Variants in MCTP1 observed in about 807,000 individuals in gnomAD.
MCTP1 encodes the protein multiple C2 and transmembrane domain containing 1.
A neutral mutation model predicts 120.6 loss-of-function variants in MCTP1; 69 were observed. That is an observed-to-expected ratio of 0.57 (90% CI 0.47 to 0.70). The LOEUF is 0.70. MCTP1 is among the 30% of genes least tolerant of loss of function. The pLI is 0.00. For synonymous variants in MCTP1, 529 were observed against 493.1 expected (o/e 1.07, Z -0.96); for missense variants, 1,203 against 1,248.8 (o/e 0.96, Z 0.55).
intron 1 of MCTP1, among the ~76,000 whole-genome samples, chr5:95,198,457 A>G (rs186843529): frequency 1.2e-4 from 18 of 152,302 alleles, no homozygotes; most frequent in Admixed American, 1.1e-3. Context: ...ACTTTAATAT[A>G]AAGTAGGCTT....
intron 2 of MCTP1, among the ~76,000 whole-genome samples, chr5:94,960,511 A>C (rs1823859346): frequency 6.6e-6 from 1 of 152,200 alleles, no homozygotes; most frequent in Admixed American, 6.5e-5. Flanking sequence ...AAATTTTTGC[A>C]ATCTATCCAT....
At chr5:95,015,846 T>C (rs1158700993) in intron 2 of MCTP1, among the ~76,000 whole-genome samples, 1 of 152,116 alleles carries the variant, frequency 6.6e-6, no homozygotes. Context: ...TAAATTATTG[T>C]ATATATATGC....
chr5:95,171,200 G>A (rs1421557692), intron 1 of MCTP1, among the ~76,000 whole-genome samples: 1 of 152,054 alleles, frequency 6.6e-6, no homozygotes, highest in Non-Finnish European at 1.5e-5. Flanking sequence ...GAGATTCTGG[G>A]TTGAAAATTC....
intron 1 of MCTP1, among the ~76,000 whole-genome samples, chr5:95,235,847 G>A (rs1304620647): frequency 6.6e-6 from 1 of 152,158 alleles, no homozygotes; most frequent in Non-Finnish European, 1.5e-5. Context: ...CCTTGTAAGA[G>A]CTGGAGTAGA....
chr5:95,117,964 G>A (rs965174244), intron 1 of MCTP1, among the ~76,000 whole-genome samples: 2 of 152,132 alleles, frequency 1.3e-5, no homozygotes, highest in Admixed American at 6.5e-5. Flanking sequence ...GCTGAACAAT[G>A]AGGACACACG....
intron 12 of MCTP1, among the ~76,000 whole-genome samples, chr5:94,874,351 A>T (rs1798360421): frequency 6.6e-6 from 1 of 152,158 alleles, no homozygotes; most frequent in African/African-American, 2.4e-5. Context: ...TATCAGTGAC[A>T]GATAAGCTAT....
intron 18 of MCTP1, among the ~76,000 whole-genome samples, chr5:94,793,048 T>C (rs1779307514): frequency 6.6e-6 from 1 of 152,106 alleles, no homozygotes; most frequent in Non-Finnish European, 1.5e-5. Flanking sequence ...GGGTAATTCA[T>C]AGGGCTCAGG....
chr5:94,726,077 T>G (rs1440357939), intron 19 of MCTP1, among the ~76,000 whole-genome samples: 2 of 152,234 alleles, frequency 1.3e-5, no homozygotes, highest in African/African-American at 4.8e-5. Context: ...CTTACAACTA[T>G]TCACACGAGG....
At chr5:95,001,998 G>C (rs1197263177) in intron 2 of MCTP1, among the ~76,000 whole-genome samples, 2 of 152,180 alleles carry the variant, frequency 1.3e-5, no homozygotes, top group African/African-American at 2.4e-5. Flanking sequence ...TTGGGACATG[G>C]TACCCTGTGT....
intron 1 of MCTP1, among the ~76,000 whole-genome samples, chr5:95,091,831 A>G (rs1461338234): frequency 6.6e-6 from 1 of 152,264 alleles, no homozygotes; most frequent in Admixed American, 6.5e-5. Context: ...TTACATAACA[A>G]TAGTAGCCAG....
intron 17 of MCTP1, among the ~76,000 whole-genome samples, chr5:94,803,266 C>A (rs749838039): frequency 5.3e-5 from 8 of 152,290 alleles, no homozygotes; most frequent in South Asian, 2.1e-4. Context: ...TAAGTACACA[C>A]AACCCCTTTC....
intron 2 of MCTP1, among the ~76,000 whole-genome samples, chr5:94,953,943 A>AATATATATATGCATATATATATACAAAT (rs147179108): frequency 9.6e-5 from 2 of 20,804 alleles, no homozygotes; most frequent in Non-Finnish European, 1.8e-4. Flanking sequence ...TATATATACA[A>AATATATATATGCATATATATATACAAAT]ATATATATGC....
intron 1 of MCTP1, among the ~76,000 whole-genome samples, chr5:95,129,423 A>G (rs1758867576): frequency 6.6e-6 from 1 of 152,252 alleles, no homozygotes; most frequent in Non-Finnish European, 1.5e-5. Context: ...TAAAGGGCAC[A>G]TAGCAGAGCA....
At position 95,205,379 on chromosome 5, in the gene MCTP1, A is replaced by C. The variant is rs942775459; in HGVS notation, c.720+78477T>G. On this transcript the variant is annotated intron_variant, in intron 1 of 22. Coordinates refer to ENST00000515393, the MANE Select transcript of MCTP1 (RefSeq NM_024717.7). ...ATCAAAGAACTAAAGGTAAAAGCTA[A>C]AGCTATAAAACTCTTAGAAGAAAAC... Among the ~76,000 whole-genome samples, 3 of 152,302 alleles carry C rather than the reference A, an allele frequency of 2.0e-5. No individual in the cohort carries two copies. In the East Asian group the frequency reaches 5.8e-4, roughly 29 times the overall value.
intron 1 of MCTP1, among the ~76,000 whole-genome samples, chr5:95,051,324 C>T (rs1288608282): frequency 1.3e-5 from 2 of 152,120 alleles, no homozygotes; most frequent in East Asian, 1.9e-4. Flanking sequence ...CTCAGTATTC[C>T]ATATGCCCAA....
chr5:94,707,337 C>A lies in MCTP1; in HGVS notation c.*159G>T. On this transcript the variant is annotated 3_prime_UTR_variant, in exon 23 of 23. Transcript: ENST00000515393. ...AGTCTGTACAATAGAAGTATATATT[C>A]AAAGACATATGCCTTTGTACACTAT... is the stretch of plus-strand genomic sequence containing the variant. 1.7e-6 allele frequency: 1 copy of A among 597,844 alleles called. No individual in the cohort carries two copies. The allele number at this position is 597,844 out of a possible 1,614,324, so 37.0% of individuals were successfully genotyped here. A position where few individuals can be genotyped will look rare whatever the true frequency, so the allele number is the denominator to read the frequency against.
chr5:95,100,687 T>A (rs1458394526), intron 1 of MCTP1, among the ~76,000 whole-genome samples: 3 of 152,204 alleles, frequency 2.0e-5, no homozygotes, highest in Admixed American at 1.3e-4. Context: ...CTGACACCCC[T>A]GAGAGGCCAC....
intron 19 of MCTP1, among the ~76,000 whole-genome samples, chr5:94,741,920 T>G (rs181256245): frequency 6.6e-6 from 1 of 152,332 alleles, no homozygotes; most frequent in African/African-American, 2.4e-5. Flanking sequence ...TACCTATTTC[T>G]TAGGGTTGTT....
intron 1 of MCTP1, among the ~76,000 whole-genome samples, chr5:95,133,232 AC>A (rs1320071110): frequency 6.6e-6 from 1 of 152,106 alleles, no homozygotes; most frequent in Non-Finnish European, 1.5e-5. Context: ...ATGTTTCAAG[AC>A]CCCCACTGGA....
Sources: gnomAD v4.1 joint callset for allele counts (sites outside exome capture counted in the v4.1 genomes callset) on GRCh38, gnomAD v4.1.1 for gene constraint, MANE v1.5 for transcripts, NCBI Gene and HGNC (gene_info 2026-07-23, HGNC 2026-07-21) for gene names.